Variants in MRPL57 observed in about 807,000 individuals in gnomAD.
MRPL57 encodes the protein mitochondrial ribosomal protein L57, also known as large ribosomal subunit protein mL63.
A neutral mutation model predicts 1.3 loss-of-function variants in MRPL57; 1 was observed. That is an observed-to-expected ratio of 0.79 (90% CI 0.28 to 3.75). MRPL57 has a LOEUF of 3.75. Ranked by LOEUF, MRPL57 falls within the 30% of genes most tolerant of loss-of-function variation. MRPL57 has a pLI of 0.19. For missense variants in MRPL57, 170 were observed against 148.9 expected, an observed-to-expected ratio of 1.14 and a Z score of -0.74; for synonymous variants, 79 against 61.7, an observed-to-expected ratio of 1.28 and a Z score of -1.31.
Position 21,176,934 on chromosome 13 carries a change from C to T in MRPL57, c.18C>T (p.Leu6=), listed in dbSNP as rs1595310966. MFLTA[L]LWRGRIPGRQ... is the part of the protein sequence containing the mutation. ...CAGGCACCATGTTCCTGACTGCGCT[C>T]CTCTGGCGCGGCCGCATTCCCGGCC... Residue 6 remains leucine, a synonymous_variant, in exon 2 of 2, where the codon CTC becomes CTT. Coordinates refer to ENST00000309594, the MANE Select transcript of MRPL57 (RefSeq NM_024026.5). 3.1e-6 allele frequency: 5 copies of T among 1,610,074 alleles called. No homozygotes were observed. The highest frequency in any genetic ancestry group is 4.5e-5 in the East Asian group (2 of 44,852).
In MRPL57 at chr13:21,177,825, T is replaced by A. The variant is rs1401717212; in HGVS notation, c.*600T>A. 1.2e-5 allele frequency: 2 copies of A among 164,988 alleles called. No homozygotes were observed. Among genetic ancestry groups the A allele is most frequent in the African/African-American group, 2.4e-5 (1 of 41,284 alleles). 10.2% of individuals were successfully genotyped at this position (164,988 alleles called of 1,614,324 possible). A position where few individuals can be genotyped will look rare whatever the true frequency, so the allele number is the denominator to read the frequency against. On this transcript the variant is annotated 3_prime_UTR_variant, in exon 2 of 2. Coordinates refer to ENST00000309594, the MANE Select transcript of MRPL57 (RefSeq NM_024026.5). ...CTCTACTAATACAAAAAAAATTAGC[T>A]GGGTATGTTGGTGCAGGCTTGCAAT... is the stretch of plus-strand genomic sequence containing the variant.
At position 21,177,005 on chromosome 13, in the gene MRPL57, G is replaced by A; in HGVS notation, c.89G>A (p.Arg30His). Residue 30 changes from arginine (R) to histidine (H), a missense_variant, in exon 2 of 2, where the codon CGC becomes CAC. Arg to His is a conservative substitution (Grantham distance 29, BLOSUM62 0). Transcript: ENST00000309594. ...CGGCGGCCGCGGTTCGTGTCGTTGC[G>A]CGCCAAGCAGAACATGATCCGCCGC... ...KHRRPRFVSL[R>H]AKQNMIRRLE... The A allele has an allele frequency of 6.2e-7, 1 of 1,612,710 alleles. No homozygotes were observed.
In MRPL57 at chr13:21,178,167, T is replaced by C. The variant is rs1400527168; in HGVS notation, c.*942T>C. On this transcript the variant is annotated 3_prime_UTR_variant, in exon 2 of 2. Coordinates refer to ENST00000309594, the MANE Select transcript of MRPL57 (RefSeq NM_024026.5). The stretch of plus-strand genomic sequence containing the variant: ...AACAATAATATATGGCCAGGCGGGA[T>C]GGCTCACGCCTGTAATCCCAGCACT... 1 of 156,870 alleles carries C rather than the reference T, an allele frequency of 6.4e-6. No individual in the cohort carries two copies. Among genetic ancestry groups the C allele is most frequent in the East Asian group, 1.9e-4 (1 of 5,180 alleles). The allele number at this position is 156,870 out of a possible 1,614,324, so 9.7% of individuals were successfully genotyped here.
Position 21,176,905 on chromosome 13 carries a change from TC to T in MRPL57, c.-5-5del. The T allele has an allele frequency of 6.2e-7, 1 of 1,602,464 alleles. No individual in the cohort carries two copies. The highest frequency in any genetic ancestry group is 8.5e-7 in the Non-Finnish European group (1 of 1,177,428). On this transcript the variant is annotated splice_polypyrimidine_tract_variant and splice_region_variant and intron_variant, in intron 1 of 1. Coordinates refer to ENST00000309594, the MANE Select transcript of MRPL57 (RefSeq NM_024026.5). ...GCCTCCGCAAAGCCCGTCCCTCTCTTCCGCAGGCACCATGTTCCTGACTGCG... is the reference window on the plus strand; with the variant it reads ...GCCTCCGCAAAGCCCGTCCCTCTCTTCGCAGGCACCATGTTCCTGACTGCG...
In MRPL57 at chr13:21,176,681, C is replaced by A. The variant is rs1044136288; in HGVS notation, c.-42C>A. The A allele has an allele frequency of 1.4e-5, 9 of 665,958 alleles. No individual in the cohort carries two copies. The highest frequency in any genetic ancestry group is 1.1e-4 in the African/African-American group (6 of 53,160). The allele number at this position is 665,958 out of a possible 1,614,324, so 41.3% of individuals were successfully genotyped here. A position where few individuals can be genotyped will look rare whatever the true frequency, so the allele number is the denominator to read the frequency against. On this transcript the variant is annotated 5_prime_UTR_variant, in exon 1 of 2. Coordinates refer to ENST00000309594, the MANE Select transcript of MRPL57 (RefSeq NM_024026.5). ...GCGCTTACGCCACGGCGTCTGCTGG[C>A]GGCCGCGGAGACGCAGAGTCTTGAG...
Position 21,177,370 on chromosome 13 carries a change from C to T in MRPL57, c.*145C>T, listed in dbSNP as rs1298960730. On this transcript the variant is annotated 3_prime_UTR_variant, in exon 2 of 2. Coordinates refer to ENST00000309594, the MANE Select transcript of MRPL57 (RefSeq NM_024026.5). ...AAACAAACATGAGTAGTCTGCATAT[C>T]GAATATCTAGAGCTCTAAACCCCCA... 3.8e-6 allele frequency: 3 copies of T among 797,712 alleles called. No homozygotes were observed. The highest frequency in any genetic ancestry group is 4.0e-5 in the African/African-American group (2 of 49,400). The allele number at this position is 797,712 out of a possible 1,614,324, so 49.4% of individuals were successfully genotyped here.
At chr13:21,176,865 CG>C (rs1361566240) in intron 1 of MRPL57, 46 bp from the exon 2 acceptor site, 1 of 1,579,144 alleles carries the variant, frequency 6.3e-7, no homozygotes, top group Non-Finnish European at 8.6e-7. Flanking sequence ...TCTCCAGGTC[CG>C]GCCGCGCCAG....
intron 1 of MRPL57, 86 bp downstream of exon 1, chr13:21,176,803 A>G: frequency 1.7e-6 from 2 of 1,149,676 alleles, no homozygotes; most frequent in Non-Finnish European, 2.4e-6. Flanking sequence ...TCTGGAGGGG[A>G]GGCGGTGCGG....
rs974285935 is a variant in MRPL57, at chr13:21,176,956, G to C, written c.40G>C (p.Gly14Arg). The C allele has an allele frequency of 5.0e-6, 8 of 1,611,482 alleles. No homozygotes were observed. The highest frequency in any genetic ancestry group is 5.9e-6 in the Non-Finnish European group (7 of 1,179,818). Residue 14 changes from glycine (G) to arginine (R), a missense_variant, in exon 2 of 2, where the codon GGC becomes CGC. Gly to Arg is a moderately radical substitution (Grantham distance 125). Transcript: ENST00000309594. ...GCTCCTCTGGCGCGGCCGCATTCCC[G>C]GCCGTCAGTGGATCGGGAAGCACCG... ...TALLWRGRIPGRQWIGKHRRP... is the reference protein window; with the variant it reads ...TALLWRGRIPRRQWIGKHRRP...
At chr13:21,176,764 C>T (rs1871580356) in intron 1 of MRPL57, 47 bp downstream of exon 1, 4 of 819,790 alleles carry the variant, frequency 4.9e-6, no homozygotes, top group Admixed American at 2.9e-5. Context: ...CCTTCTTCGC[C>T]TGCTGGCCTT....
rs149724370 is a variant in MRPL57 at position 21,178,775 on chromosome 13, G to A, written c.*1550G>A. On this transcript the variant is annotated 3_prime_UTR_variant, in exon 2 of 2. Coordinates refer to ENST00000309594, the MANE Select transcript of MRPL57 (RefSeq NM_024026.5). ...TCGAGACCAGCCTGGCCAATATGGT[G>A]AAACCCCATCTCTACTAAAAATATA... 0.051 allele frequency: 7,830 copies of A among 152,970 alleles called. 284 individuals carry two copies. The highest frequency in any genetic ancestry group is 0.077 in the Non-Finnish European group (5,211 of 68,048). 9.5% of individuals were successfully genotyped at this position (152,970 alleles called of 1,614,324 possible). A position where few individuals can be genotyped will look rare whatever the true frequency, so the allele number is the denominator to read the frequency against.
At position 21,176,732 on chromosome 13, in the gene MRPL57, G is replaced by T. The variant is rs1210712889; in HGVS notation, c.-6+15G>T. 2.9e-6 allele frequency: 2 copies of T among 695,394 alleles called. No individual in the cohort carries two copies. The highest frequency in any genetic ancestry group is 5.6e-5 in the East Asian group (2 of 35,990). The allele number at this position is 695,394 out of a possible 1,614,324, so 43.1% of individuals were successfully genotyped here. A position where few individuals can be genotyped will look rare whatever the true frequency, so the allele number is the denominator to read the frequency against. ...CAGCGCGGCAGGTGAGTAGCTGTGC[G>T]AATTCGGTTCTCTAGGGAGCTCCTT... On this transcript the variant is annotated intron_variant, in intron 1 of 1. Coordinates refer to ENST00000309594, the MANE Select transcript of MRPL57 (RefSeq NM_024026.5).
chr13:21,176,990 G>C lies in MRPL57; in HGVS notation c.74G>C (p.Arg25Pro), dbSNP rs373831796. 94 of 1,612,136 alleles carry C rather than the reference G, an allele frequency of 5.8e-5. No individual in the cohort carries two copies. Among genetic ancestry groups the C allele is most frequent in the Admixed American group, 8.3e-5 (5 of 60,010 alleles). Residue 25 changes from arginine (R) to proline (P), a missense_variant, in exon 2 of 2, where the codon CGG (arginine) becomes CCG (proline). Physicochemically the swap from Arg to Pro is moderately radical, Grantham distance 103 (BLOSUM62 -2). Transcript: ENST00000309594. ...TGGATCGGGAAGCACCGGCGGCCGC[G>C]GTTCGTGTCGTTGCGCGCCAAGCAG... ...RQWIGKHRRP[R>P]FVSLRAKQNM...
chr13:21,176,797 G>C, intron 1 of MRPL57, 80 bp downstream of exon 1: 6 of 1,113,864 alleles, frequency 5.4e-6, no homozygotes, highest in Non-Finnish European at 6.3e-6. Context: ...CGCTTCTCTG[G>C]AGGGGAGGCG....
Position 21,177,096 on chromosome 13 carries a change from C to T in MRPL57, c.180C>T (p.Arg60=). The part of the protein sequence containing the change: ...SMPYMTREQE[R]GHAAVRRREA... ...CCTACATGACCCGGGAGCAGGAGCG[C>T]GGCCACGCCGCGGTGCGCAGGAGGG... The change falls in exon 2 of 2, where the codon CGC becomes CGT. Residue 60 remains arginine, a synonymous_variant. Coordinates refer to ENST00000309594, the MANE Select transcript of MRPL57 (RefSeq NM_024026.5). The T allele has an allele frequency of 6.2e-7, 1 of 1,613,918 alleles. No individual in the cohort carries two copies. The highest frequency in any genetic ancestry group is 8.5e-7 in the Non-Finnish European group (1 of 1,180,032).
rs764301042 is a variant in MRPL57 at position 21,177,083 on chromosome 13, G to A, written c.167G>A (p.Arg56Gln). The A allele has an allele frequency of 1.9e-6, 3 of 1,613,946 alleles. No individual in the cohort carries two copies. Among genetic ancestry groups the A allele is most frequent in the Non-Finnish European group, 2.5e-6 (3 of 1,180,024 alleles). Residue 56 changes from arginine to glutamine, a missense_variant, in exon 2 of 2, where the codon CGG (arginine) becomes CAG (glutamine). By Grantham distance (43) the Arg-to-Gln change is conservative. Coordinates refer to ENST00000309594, the MANE Select transcript of MRPL57 (RefSeq NM_024026.5). ...TGGCTGAGCATGCCCTACATGACCC[G>A]GGAGCAGGAGCGCGGCCACGCCGCG... ...HYWLSMPYMT[R>Q]EQERGHAAVR...
rs1322993449 is a variant in MRPL57, at chr13:21,177,638, A to G, written c.*413A>G. 1 of 199,510 alleles carries G rather than the reference A, an allele frequency of 5.0e-6. No individual in the cohort carries two copies. The highest frequency in any genetic ancestry group is 2.4e-5 in the African/African-American group (1 of 41,688). 12.4% of individuals were successfully genotyped at this position (199,510 alleles called of 1,614,324 possible). On this transcript the variant is annotated 3_prime_UTR_variant, in exon 2 of 2. Transcript: ENST00000309594. Reference sequence around the variant, plus strand: ...TTCAGTTAAACATACTCCTAAAAACATTTTCCGGGATTTTACTACTAAAAT... The same window carrying G: ...TTCAGTTAAACATACTCCTAAAAACGTTTTCCGGGATTTTACTACTAAAAT...
At chr13:21,176,869 C>G (rs1278575886) in intron 1 of MRPL57, 43 bp from the exon 2 acceptor site, 38 of 1,582,730 alleles carry the variant, frequency 2.4e-5, no homozygotes, top group Non-Finnish European at 3.2e-5. Context: ...CAGGTCCGGC[C>G]GCGCCAGTTC....
At position 21,178,561 on chromosome 13, in the gene MRPL57, C is replaced by T. The variant is rs1300138835; in HGVS notation, c.*1336C>T. ...CTGAGGCCCACACGGTGGCTCACTT[C>T]TGTAATCCCATCACTTTGGGAGGCT... On this transcript the variant is annotated 3_prime_UTR_variant, in exon 2 of 2. Coordinates refer to ENST00000309594, the MANE Select transcript of MRPL57 (RefSeq NM_024026.5). The T allele has an allele frequency of 1.2e-5, 2 of 166,700 alleles. No homozygotes were observed. The highest frequency in any genetic ancestry group is 1.3e-4 in the Admixed American group (2 of 15,280). The allele number at this position is 166,700 out of a possible 1,614,324, so 10.3% of individuals were successfully genotyped here.
Sources: allele counts gnomAD v4.1 joint callset, GRCh38; gene constraint gnomAD v4.1.1; transcripts MANE v1.5; gene names NCBI Gene and HGNC (gene_info 2026-07-23, HGNC 2026-07-21).